Variants in BANK1 observed in about 807,000 individuals in gnomAD.
BANK1 encodes the protein B cell scaffold protein with ankyrin repeats 1, also known as B-cell scaffold protein with ankyrin repeats.
In BANK1, 95 loss-of-function variants were observed where a neutral mutation model predicts 94.5. That is an observed-to-expected ratio of 1.00 (90% confidence interval 0.85 to 1.19). The LOEUF is 1.19. Among genes scored for constraint, BANK1 ranks in the 50% most tolerant of loss-of-function variants. BANK1 has a pLI of 0.00. For missense variants in BANK1, 987 were observed against 932.2 expected, an observed-to-expected ratio of 1.06 and a Z score of -0.77; for synonymous variants, 334 against 308.4, an observed-to-expected ratio of 1.08 and a Z score of -0.87.
At chr4:101,948,932 G>A (rs913301033) in intron 7 of BANK1, among the ~76,000 whole-genome samples, 2 of 151,976 alleles carry the variant, frequency 1.3e-5, no homozygotes, top group African/African-American at 4.8e-5. Flanking sequence ...ATGACTTGTT[G>A]CATTAATTTT....
chr4:101,963,708 A>C (rs1724648243), intron 7 of BANK1, among the ~76,000 whole-genome samples: 1 of 152,144 alleles, frequency 6.6e-6, no homozygotes, highest in Non-Finnish European at 1.5e-5. Flanking sequence ...TCAAACCATA[A>C]GCACAACAGA....
chr4:101,869,683 G>C (rs1728210861), intron 4 of BANK1, among the ~76,000 whole-genome samples: 1 of 151,808 alleles, frequency 6.6e-6, no homozygotes, highest in Non-Finnish European at 1.5e-5. Context: ...CTAGATATTT[G>C]AGTGACAGTT....
At chr4:101,944,210 A>G (rs1038798463) in intron 7 of BANK1, among the ~76,000 whole-genome samples, 7 of 152,060 alleles carry the variant, frequency 4.6e-5, no homozygotes, top group African/African-American at 1.4e-4. Flanking sequence ...GGTAAAAGCT[A>G]TGTGAGGAGC....
intron 10 of BANK1, among the ~76,000 whole-genome samples, chr4:102,039,444 A>C (rs1727633570): frequency 6.6e-6 from 1 of 152,110 alleles, no homozygotes; most frequent in Admixed American, 6.6e-5. Context: ...TTTGCTGGCT[A>C]GACAAAGGGT....
chr4:101,912,989 A>G (rs1722714751), intron 6 of BANK1, among the ~76,000 whole-genome samples: 1 of 152,098 alleles, frequency 6.6e-6, no homozygotes, highest in South Asian at 2.1e-4. Flanking sequence ...TGTGGCCCTG[A>G]TTTCTTGAAT....
At chr4:101,840,312 T>C (rs955935083) in intron 2 of BANK1, among the ~76,000 whole-genome samples, 3 of 152,150 alleles carry the variant, frequency 2.0e-5, no homozygotes, top group African/African-American at 7.2e-5. Flanking sequence ...AAATATATGA[T>C]GCCTGACTTT....
intron 1 of BANK1, among the ~76,000 whole-genome samples, chr4:101,813,647 G>A (rs892511114): frequency 5.9e-5 from 9 of 152,206 alleles, no homozygotes; most frequent in Admixed American, 2.0e-4. Flanking sequence ...AAATGTAGTC[G>A]TGACCAAGTG....
chr4:101,891,855 T>C (rs1056549804), intron 5 of BANK1, among the ~76,000 whole-genome samples: 8 of 152,034 alleles, frequency 5.3e-5, no homozygotes, highest in Non-Finnish European at 8.8e-5. Flanking sequence ...CTTCTATTTA[T>C]TTGCTGAGAA....
chr4:102,000,996 C>T (rs891169798), intron 7 of BANK1, among the ~76,000 whole-genome samples: 5 of 152,064 alleles, frequency 3.3e-5, no homozygotes, highest in African/African-American at 9.7e-5. Flanking sequence ...ATGATCTGAG[C>T]CGTCACAGCG....
intron 7 of BANK1, among the ~76,000 whole-genome samples, chr4:101,943,932 A>G (rs996120036): frequency 2.0e-5 from 3 of 151,796 alleles, no homozygotes; most frequent in Non-Finnish European, 4.4e-5. Flanking sequence ...AAATGGTAAT[A>G]ATAGTTAAGA....
intron 12 of BANK1, 152 bp from the exon 13 acceptor site, chr4:102,062,923 G>A (rs901577037): frequency 2.2e-5 from 13 of 598,614 alleles, no homozygotes; most frequent in African/African-American, 3.7e-5. Context: ...GTAAGATAAC[G>A]TGGAAAGTAT....
At position 101,844,338 on chromosome 4, in the gene BANK1, C is replaced by G. The variant is rs187358632; in HGVS notation, c.470-10697C>G. Among the ~76,000 whole-genome samples, 637 of 152,096 alleles carry G rather than the reference C, an allele frequency of 4.2e-3. 2 individuals are homozygous for G. Among genetic ancestry groups the G allele is most frequent in the Non-Finnish European group, 7.2e-3 (493 of 68,008 alleles). ...GAAAAATGGGGTTAGGCACAATAGG[C>G]GAAACAGAAGAGCCTATATGAAGGA... is the stretch of plus-strand genomic sequence containing the variant. On this transcript the variant is annotated intron_variant, in intron 2 of 16. Coordinates refer to ENST00000322953, the MANE Select transcript of BANK1 (RefSeq NM_017935.5).
intron 6 of BANK1, among the ~76,000 whole-genome samples, chr4:101,903,824 AC>A (rs1273266827): frequency 3.9e-5 from 6 of 152,208 alleles, no homozygotes; most frequent in African/African-American, 1.4e-4. Flanking sequence ...AGTGTCATTT[AC>A]TAAGGTCCCC....
In BANK1 at chr4:102,016,785, C is replaced by T. The variant is rs144078879; in HGVS notation, c.1207-4729C>T. On this transcript the variant is annotated intron_variant, in intron 7 of 16. Coordinates refer to ENST00000322953, the MANE Select transcript of BANK1 (RefSeq NM_017935.5). ...TTCCATAACTGTTTTCTTCTAATAT[C>T]CTTTTCTGAATCCTAGAATCTAGAC... Among the ~76,000 whole-genome samples, 790 of 152,210 alleles carry T rather than the reference C, an allele frequency of 5.2e-3. 3 individuals are homozygous for T. Among genetic ancestry groups the T allele is most frequent in the Non-Finnish European group, 9.0e-3 (613 of 68,004 alleles).
intron 3 of BANK1, among the ~76,000 whole-genome samples, 194 bp from the exon 4 acceptor site, chr4:101,862,332 A>ACAATAAAAAAAAAGCGTAC (rs1727909863): frequency 2.0e-5 from 3 of 152,150 alleles, no homozygotes; most frequent in Non-Finnish European, 4.4e-5. Context: ...CAATAAAAAG[A>ACAATAAAAAAAAAGCGTAC]AATTTGATAC....
At chr4:102,067,844 A>G (rs1360786786) in intron 13 of BANK1, among the ~76,000 whole-genome samples, 1 of 152,072 alleles carries the variant, frequency 6.6e-6, no homozygotes, top group Non-Finnish European at 1.5e-5. Flanking sequence ...GTCAGAATAC[A>G]TATTTATTAA....
chr4:101,927,566 A>G (rs921504370), intron 7 of BANK1, among the ~76,000 whole-genome samples: 1 of 151,672 alleles, frequency 6.6e-6, no homozygotes, highest in Non-Finnish European at 1.5e-5. Flanking sequence ...AGTTTCCACT[A>G]GGATGACAGC....
intron 7 of BANK1, among the ~76,000 whole-genome samples, chr4:101,988,149 T>C (rs1374733485): frequency 6.6e-6 from 1 of 152,202 alleles, no homozygotes; most frequent in Non-Finnish European, 1.5e-5. Context: ...TCAGTTATCA[T>C]TAGAGATCCT....
intron 7 of BANK1, among the ~76,000 whole-genome samples, chr4:101,956,830 G>A (rs886881141): frequency 1.3e-5 from 2 of 152,080 alleles, no homozygotes; most frequent in African/African-American, 4.8e-5. Flanking sequence ...TATATAGAAG[G>A]GAGAAAGCTC....
Sources: gnomAD v4.1 joint callset for allele counts (sites outside exome capture counted in the v4.1 genomes callset) on GRCh38, gnomAD v4.1.1 for gene constraint, MANE v1.5 for transcripts, NCBI Gene and HGNC (gene_info 2026-07-23, HGNC 2026-07-21) for gene names.